The following GPC5 variants were observed in gnomAD, a reference collection of about 807,000 sequenced individuals.
The protein encoded by GPC5 is glypican-5.
A neutral mutation model predicts 53.9 loss-of-function variants in GPC5; 47 were observed. The observed-to-expected ratio is 0.87, with a 90% CI of 0.69 to 1.11. The LOEUF (loss-of-function observed/expected upper bound fraction) is 1.11, where lower values mean the gene tolerates loss of function less well. Among genes scored for constraint, GPC5 ranks in the 50% most tolerant of loss-of-function variants. The pLI is 0.00. For synonymous variants in GPC5, 286 were observed against 263.3 expected (o/e 1.09, Z -0.84); for missense variants, 748 against 713.1 (o/e 1.05, Z -0.56).
intron 2 of GPC5, among the ~76,000 whole-genome samples, chr13:91,556,699 C>G (rs1044905704): frequency 5.3e-5 from 8 of 151,914 alleles, no homozygotes; most frequent in African/African-American, 1.9e-4. Flanking sequence ...AGACATTATT[C>G]TAACTGAAGT....
chr13:92,834,839 A>C (rs1878170415), intron 7 of GPC5, among the ~76,000 whole-genome samples: 1 of 152,142 alleles, frequency 6.6e-6, no homozygotes, highest in Non-Finnish European at 1.5e-5. Flanking sequence ...AAGTTGGTTT[A>C]AAGGGTAAAA....
intron 7 of GPC5, among the ~76,000 whole-genome samples, chr13:92,431,390 CTTTTTT>C (rs3064652): frequency 7.3e-6 from 1 of 137,344 alleles, no homozygotes; most frequent in Admixed American, 7.3e-5. Context: ...AAAGACACAG[CTTTTTT>C]TTTTTTTTTT....
intron 5 of GPC5, among the ~76,000 whole-genome samples, chr13:91,795,475 C>CA: frequency 6.6e-6 from 1 of 152,268 alleles, no homozygotes; most frequent in Middle Eastern, 3.4e-3. Context: ...TGTTTCTTGG[C>CA]ATATCTATTT....
intron 7 of GPC5, among the ~76,000 whole-genome samples, chr13:92,588,801 T>C (rs1164044622): frequency 6.6e-6 from 1 of 152,220 alleles, no homozygotes; most frequent in African/African-American, 2.4e-5. Context: ...GAGGAGGTAT[T>C]AGTTCCATAC....
At chr13:91,552,773 G>A (rs539205619) in intron 2 of GPC5, among the ~76,000 whole-genome samples, 1 of 152,160 alleles carries the variant, frequency 6.6e-6, no homozygotes, top group African/African-American at 2.4e-5. Context: ...CAGCTTGGTC[G>A]TTAGGGCCAT....
rs139212997 is a variant in GPC5 at position 91,780,429 on chromosome 13, A to G, written c.1280+24009A>G. Among the ~76,000 whole-genome samples the G allele has an allele frequency of 3.5e-3, 539 of 151,838 alleles. 6 individuals are homozygous for G. The highest frequency in any genetic ancestry group is 0.013 in the African/African-American group (518 of 41,400). On this transcript the variant is annotated intron_variant, in intron 5 of 7. Coordinates refer to ENST00000377067, the MANE Select transcript of GPC5 (RefSeq NM_004466.6). ...ATCTTGTATGTTCTTCCAGTTTTGA[A>G]CTTTTTATTATATTTTTTTAAAAAT...
chr13:91,404,581 T>G (rs564678850), intron 1 of GPC5, among the ~76,000 whole-genome samples: 1 of 152,352 alleles, frequency 6.6e-6, no homozygotes, highest in Admixed American at 6.5e-5. Flanking sequence ...ATTTCACTAA[T>G]GAGATTGCCC....
intron 7 of GPC5, among the ~76,000 whole-genome samples, chr13:92,375,768 A>G (rs1387067539): frequency 6.6e-6 from 1 of 152,360 alleles, no homozygotes; most frequent in African/African-American, 2.4e-5. Flanking sequence ...GCTCTTAAAA[A>G]GCTATTCAAA....
chr13:92,667,801 T>C (rs1382660318), intron 7 of GPC5, among the ~76,000 whole-genome samples: 2 of 152,186 alleles, frequency 1.3e-5, no homozygotes, highest in Non-Finnish European at 2.9e-5. Flanking sequence ...TTGAGCAGGA[T>C]ATAGCTCAAC....
chr13:92,365,708 G>A (rs1358164943), intron 7 of GPC5, among the ~76,000 whole-genome samples: 1 of 145,034 alleles, frequency 6.9e-6, no homozygotes, highest in African/African-American at 2.6e-5. Flanking sequence ...AATCTAAGAC[G>A]AACACATTAG....
chr13:91,920,043 C>T (rs1007251110), intron 6 of GPC5, among the ~76,000 whole-genome samples: 1 of 152,104 alleles, frequency 6.6e-6, no homozygotes, highest in Admixed American at 6.6e-5. Context: ...TTCCAGATAG[C>T]CTCTAATGCA....
intron 7 of GPC5, among the ~76,000 whole-genome samples, chr13:92,330,298 G>T (rs2043280052): frequency 6.6e-6 from 1 of 152,078 alleles, no homozygotes; most frequent in East Asian, 1.9e-4. Context: ...CTGTTTAGTT[G>T]TCCTCCAAAG....
At chr13:92,042,117 AC>A (rs1380690612) in intron 6 of GPC5, among the ~76,000 whole-genome samples, 1 of 152,028 alleles carries the variant, frequency 6.6e-6, no homozygotes, top group Non-Finnish European at 1.5e-5. Context: ...CCCCTTAGAG[AC>A]TGTGATGTGC....
At chr13:91,833,877 T>C (rs1027055162) in intron 5 of GPC5, among the ~76,000 whole-genome samples, 1 of 152,074 alleles carries the variant, frequency 6.6e-6, no homozygotes, top group Non-Finnish European at 1.5e-5. Context: ...CAACATTGTA[T>C]TGGAAGTTCT....
intron 2 of GPC5, among the ~76,000 whole-genome samples, chr13:91,511,133 T>G (rs901247200): frequency 2.0e-5 from 3 of 152,158 alleles, no homozygotes; most frequent in African/African-American, 7.2e-5. Context: ...TCAGAAGCAT[T>G]TCCTTTCTTG....
chr13:92,349,266 C>A (rs1411732702), intron 7 of GPC5, among the ~76,000 whole-genome samples: 1 of 152,100 alleles, frequency 6.6e-6, no homozygotes, highest in Admixed American at 6.5e-5. Flanking sequence ...ATCTCAGCCT[C>A]CCAAGTAGCT....
intron 2 of GPC5, among the ~76,000 whole-genome samples, chr13:91,530,519 T>C (rs1279113433): frequency 1.3e-5 from 2 of 152,200 alleles, no homozygotes; most frequent in Non-Finnish European, 2.9e-5. Context: ...TTTTAAACAT[T>C]GAAAAATCCT....
chr13:91,844,248 G>T (rs1464246370), intron 5 of GPC5, among the ~76,000 whole-genome samples: 1 of 152,202 alleles, frequency 6.6e-6, no homozygotes, highest in Non-Finnish European at 1.5e-5. Flanking sequence ...ATTACATAAA[G>T]TCGAAGAAGG....
At chr13:91,402,210 G>A (rs865908695) in intron 1 of GPC5, among the ~76,000 whole-genome samples, 2 of 152,116 alleles carry the variant, frequency 1.3e-5, no homozygotes, top group Non-Finnish European at 2.9e-5. Context: ...AAATATGCAT[G>A]TTTGTTGATA....
Sources: allele counts gnomAD v4.1 joint callset (sites outside exome capture counted in the v4.1 genomes callset), GRCh38; gene constraint gnomAD v4.1.1; transcripts MANE v1.5; gene names NCBI Gene and HGNC (gene_info 2026-07-23, HGNC 2026-07-21).